The following CFDP1 variants were observed in gnomAD, a reference collection of about 807,000 sequenced individuals.
CFDP1 encodes heterochromatin-stabilizing protein CFDP1.
CFDP1 carries 31 observed loss-of-function variants against 40.1 expected under a neutral mutation model. The ratio of observed to expected loss-of-function variants is 0.77; its 90% CI spans 0.58 to 1.04. The LOEUF (loss-of-function observed/expected upper bound fraction) is 1.04, where lower values mean the gene tolerates loss of function less well. CFDP1 is among the 50% of genes least tolerant of loss of function. CFDP1 has a pLI of 0.00. For synonymous variants in CFDP1, 167 were observed against 120.0 expected (o/e 1.39, Z -2.56); for missense variants, 423 against 343.4 (o/e 1.23, Z -1.83).
intron 5 of CFDP1, among the ~76,000 whole-genome samples, chr16:75,315,961 C>T (rs1567642933): frequency 6.6e-6 from 1 of 152,182 alleles, no homozygotes; most frequent in South Asian, 2.1e-4. Context: ...TGTAATCTAG[C>T]AGTCTCTTGC....
intron 5 of CFDP1, among the ~76,000 whole-genome samples, chr16:75,347,073 G>A (rs1010521548): frequency 1.3e-5 from 2 of 151,910 alleles, no homozygotes; most frequent in African/African-American, 2.4e-5. Flanking sequence ...GGCCAGGCAC[G>A]GGGGGCTCAC....
intron 5 of CFDP1, among the ~76,000 whole-genome samples, chr16:75,312,937 A>G (rs2078303349): frequency 6.6e-6 from 1 of 152,184 alleles, no homozygotes; most frequent in South Asian, 2.1e-4. Flanking sequence ...AGATGGGTAT[A>G]GGGGCTCTGA....
At chr16:75,332,089 G>A (rs908318220) in intron 5 of CFDP1, among the ~76,000 whole-genome samples, 5 of 152,100 alleles carry the variant, frequency 3.3e-5, no homozygotes, top group African/African-American at 1.2e-4. Flanking sequence ...CTTTTCATGC[G>A]CTTCTATCTT....
chr16:75,368,378 T>C (rs1597358742), intron 5 of CFDP1, among the ~76,000 whole-genome samples: 2 of 152,154 alleles, frequency 1.3e-5, no homozygotes, highest in African/African-American at 2.4e-5. Context: ...GTTTTGGTGG[T>C]GGAGTGGATG....
intron 5 of CFDP1, among the ~76,000 whole-genome samples, chr16:75,354,745 C>A (rs1356851039): frequency 6.6e-6 from 1 of 152,202 alleles, no homozygotes; most frequent in Non-Finnish European, 1.5e-5. Context: ...GTATCCGCAA[C>A]TGGATCCTGG....
intron 1 of CFDP1, among the ~76,000 whole-genome samples, chr16:75,429,632 G>A (rs996820340): frequency 2.3e-4 from 35 of 152,148 alleles, no homozygotes; most frequent in African/African-American, 7.5e-4. Context: ...CAGCCTGGGC[G>A]ACAAGAGCAA....
At chr16:75,360,621 A>G (rs754507822) in intron 5 of CFDP1, among the ~76,000 whole-genome samples, 10 of 152,220 alleles carry the variant, frequency 6.6e-5, no homozygotes, top group Non-Finnish European at 1.3e-4. Context: ...GTGGCTGAAT[A>G]AAATCCCTTC....
At chr16:75,309,828 A>AC (rs2078284086) in intron 5 of CFDP1, among the ~76,000 whole-genome samples, 1 of 150,186 alleles carries the variant, frequency 6.7e-6, no homozygotes, top group Non-Finnish European at 1.5e-5. Context: ...TCAAAAAAAA[A>AC]AAAAAAAAAA....
At chr16:75,304,536 T>C (rs1373553589) in intron 6 of CFDP1, among the ~76,000 whole-genome samples, 1 of 152,144 alleles carries the variant, frequency 6.6e-6, no homozygotes, top group Non-Finnish European at 1.5e-5. Context: ...GCCTGGCCTA[T>C]CACACAGGCT....
rs536894022 is a variant in CFDP1 at position 75,374,921 on chromosome 16, A to G, written c.650+20169T>C. 3.9e-5 allele frequency among the ~76,000 whole-genome samples: 6 copies of G among 152,300 alleles called. No individual in the cohort carries two copies. In the South Asian group the frequency reaches 1.2e-3, roughly 32 times the overall value. On this transcript the variant is annotated intron_variant, in intron 5 of 6. Transcript: ENST00000283882. ...CATTTCAAGTGTTCAACAGCCACAT[A>G]TAGCTAGTGACTACTCTACTGAACA...
At chr16:75,380,406 G>T (rs1164997696) in intron 5 of CFDP1, among the ~76,000 whole-genome samples, 3 of 152,142 alleles carry the variant, frequency 2.0e-5, no homozygotes, top group Admixed American at 6.5e-5. Flanking sequence ...CCGGCAGGGT[G>T]GGGTGGGGGA....
intron 4 of CFDP1, among the ~76,000 whole-genome samples, chr16:75,402,792 T>C (rs528534371): frequency 4.6e-5 from 7 of 152,298 alleles, no homozygotes; most frequent in African/African-American, 1.4e-4. Flanking sequence ...TTCCTTATAA[T>C]GCCTAAATTT....
At chr16:75,421,097 G>A (rs2079274501) in intron 1 of CFDP1, among the ~76,000 whole-genome samples, 1 of 152,148 alleles carries the variant, frequency 6.6e-6, no homozygotes, top group Non-Finnish European at 1.5e-5. Flanking sequence ...AGACTAGGAG[G>A]CATGCGCACT....
chr16:75,349,698 T>TATATATATATATACATACAC (rs146824267), intron 5 of CFDP1, among the ~76,000 whole-genome samples: 3 of 47,896 alleles, frequency 6.3e-5, no homozygotes, highest in African/African-American at 3.3e-4. Flanking sequence ...AAAATATATA[T>TATATATATATATACATACAC]ACATACATAT....
chr16:75,298,928 T>A (rs1480006581), intron 6 of CFDP1, among the ~76,000 whole-genome samples: 2 of 152,200 alleles, frequency 1.3e-5, no homozygotes, highest in Non-Finnish European at 2.9e-5. Flanking sequence ...ACACCTGGTC[T>A]CCAATTGTAA....
chr16:75,346,119 G>A (rs2078561913), intron 5 of CFDP1, among the ~76,000 whole-genome samples: 1 of 152,228 alleles, frequency 6.6e-6, no homozygotes, highest in African/African-American at 2.4e-5. Context: ...CTTAAATTCT[G>A]CTGAATCCTC....
At chr16:75,312,340 AC>A (rs1339377741) in intron 5 of CFDP1, among the ~76,000 whole-genome samples, 1 of 152,184 alleles carries the variant, frequency 6.6e-6, no homozygotes, top group African/African-American at 2.4e-5. Context: ...AGATTTTTAA[AC>A]CTTTTGTGGC....
At chr16:75,391,510 T>A (rs761099116) in intron 5 of CFDP1, 10 of 152,236 alleles carry the variant, frequency 6.6e-5, no homozygotes, top group Non-Finnish European at 1.0e-4. Context: ...ATGACACATC[T>A]ATACACAATA....
chr16:75,392,518 G>C (rs1179240401), intron 5 of CFDP1, among the ~76,000 whole-genome samples: 1 of 152,138 alleles, frequency 6.6e-6, no homozygotes, highest in African/African-American at 2.4e-5. Context: ...ATTCTTTTGA[G>C]ACAAGGTCTC....
Sources: gnomAD v4.1 joint callset for allele counts (sites outside exome capture counted in the v4.1 genomes callset) on GRCh38, gnomAD v4.1.1 for gene constraint, MANE v1.5 for transcripts, NCBI Gene and HGNC (gene_info 2026-07-23, HGNC 2026-07-21) for gene names.